The following TRPS1 variants were observed in gnomAD, a reference collection of about 807,000 sequenced individuals.
TRPS1 encodes transcriptional repressor GATA binding 1.
Under a neutral mutation model 101.2 loss-of-function variants are expected in TRPS1, and 6 were observed. The ratio of observed to expected loss-of-function variants is 0.06; its 90% CI spans 0.03 to 0.12. The LOEUF is 0.12. Among genes scored for constraint, TRPS1 ranks in the 10% least tolerant of loss-of-function variants. TRPS1 has a pLI of 1.00. For missense variants in TRPS1, 1,363 were observed against 1,567.0 expected, an observed-to-expected ratio of 0.87 and a Z score of 2.20; for synonymous variants, 578 against 589.8, an observed-to-expected ratio of 0.98 and a Z score of 0.29.
intron 5 of TRPS1, among the ~76,000 whole-genome samples, chr8:115,447,036 C>T (rs529265564): frequency 3.3e-5 from 5 of 152,190 alleles, no homozygotes; most frequent in Non-Finnish European, 7.4e-5. Context: ...CTCCAAGACC[C>T]GGTGAATCAG....
At chr8:115,571,681 A>T in intron 5 of TRPS1, among the ~76,000 whole-genome samples, 1 of 152,188 alleles carries the variant, frequency 6.6e-6, no homozygotes, top group East Asian at 1.9e-4. Flanking sequence ...AAAATAAGAC[A>T]TTAAACAAGA....
chr8:115,577,266 T>A (rs1243792919), intron 5 of TRPS1, among the ~76,000 whole-genome samples: 1 of 152,162 alleles, frequency 6.6e-6, no homozygotes, highest in Non-Finnish European at 1.5e-5. Flanking sequence ...GCAGTGTTTG[T>A]ACATTTTTAG....
At chr8:115,618,820 T>A (rs1818324034) in intron 3 of TRPS1, among the ~76,000 whole-genome samples, 1 of 152,224 alleles carries the variant, frequency 6.6e-6, no homozygotes, top group East Asian at 1.9e-4. Flanking sequence ...AGTAACATTT[T>A]TGGAAGACTG....
intron 5 of TRPS1, among the ~76,000 whole-genome samples, chr8:115,531,410 G>A (rs761148671): frequency 5.3e-4 from 80 of 152,236 alleles, no homozygotes; most frequent in Non-Finnish European, 9.0e-4. Flanking sequence ...CATTAACTAC[G>A]GCCCTAACCT....
intron 1 of TRPS1, among the ~76,000 whole-genome samples, chr8:115,651,152 G>A (rs1350925302): frequency 1.3e-5 from 2 of 152,162 alleles, no homozygotes; most frequent in African/African-American, 4.8e-5. Context: ...TTAGTTCATA[G>A]TGTCTCACAT....
At chr8:115,611,447 G>A (rs1818161496) in intron 3 of TRPS1, among the ~76,000 whole-genome samples, 2 of 152,132 alleles carry the variant, frequency 1.3e-5, no homozygotes, top group Admixed American at 6.6e-5. Flanking sequence ...GTCAAAAATC[G>A]TAACATGTCT....
chr8:115,626,547 G>T (rs1383504340), intron 1 of TRPS1, among the ~76,000 whole-genome samples: 1 of 151,528 alleles, frequency 6.6e-6, no homozygotes, highest in Admixed American at 6.6e-5. Flanking sequence ...TATTTAATTT[G>T]CTCTCTCTGA....
At chr8:115,500,214 G>C (rs1328444684) in intron 5 of TRPS1, among the ~76,000 whole-genome samples, 2 of 151,892 alleles carry the variant, frequency 1.3e-5, no homozygotes, top group Non-Finnish European at 2.9e-5. Flanking sequence ...AATTTTAGTA[G>C]AGATGGGGTT....
At chr8:115,508,329 AATC>A (rs1474841784) in intron 5 of TRPS1, among the ~76,000 whole-genome samples, 1 of 152,164 alleles carries the variant, frequency 6.6e-6, no homozygotes, top group Non-Finnish European at 1.5e-5. Flanking sequence ...ATTAATAGAG[AATC>A]ATCATACACA....
chr8:115,498,411 CTCTCTATATATATA>C (rs1489710381), intron 5 of TRPS1, among the ~76,000 whole-genome samples: 103 of 72,654 alleles, frequency 1.4e-3, no homozygotes, highest in African/African-American at 8.3e-3. Context: ...CTCTCTCTCT[CTCTCTATATATATA>C]TATATATATA....
chr8:115,483,276 T>C (rs751466643), intron 5 of TRPS1, among the ~76,000 whole-genome samples: 1 of 152,138 alleles, frequency 6.6e-6, no homozygotes, highest in Non-Finnish European at 1.5e-5. Context: ...CTCATGCTTA[T>C]AATCCCAGCA....
At chr8:115,458,489 T>A (rs936574603) in intron 5 of TRPS1, among the ~76,000 whole-genome samples, 1 of 152,146 alleles carries the variant, frequency 6.6e-6, no homozygotes, top group East Asian at 1.9e-4. Context: ...CTTCTGTGGG[T>A]CTCATTTGTA....
intron 5 of TRPS1, among the ~76,000 whole-genome samples, chr8:115,540,172 A>G (rs1816418178): frequency 6.6e-6 from 1 of 152,224 alleles, no homozygotes; most frequent in South Asian, 2.1e-4. Context: ...ATGCTTTAGT[A>G]CAAAATAGAA....
At chr8:115,538,565 G>A (rs960675733) in intron 5 of TRPS1, among the ~76,000 whole-genome samples, 33 of 149,490 alleles carry the variant, frequency 2.2e-4, no homozygotes, top group African/African-American at 7.8e-4. Context: ...AGAGTGGAGA[G>A]TGAGGGTCAA....
chr8:115,466,278 T>C (rs1814315934), intron 5 of TRPS1, among the ~76,000 whole-genome samples: 1 of 152,142 alleles, frequency 6.6e-6, no homozygotes, highest in African/African-American at 2.4e-5. Context: ...AATTATATAT[T>C]TTTTAAAGAA....
At chr8:115,520,605 ATGT>A (rs1483818315) in intron 5 of TRPS1, among the ~76,000 whole-genome samples, 1 of 151,758 alleles carries the variant, frequency 6.6e-6, no homozygotes, top group Non-Finnish European at 1.5e-5. Flanking sequence ...AAAAATAAAA[ATGT>A]AGGTGGCATG....
At chr8:115,638,302 T>G (rs987126875) in intron 1 of TRPS1, among the ~76,000 whole-genome samples, 1 of 152,208 alleles carries the variant, frequency 6.6e-6, no homozygotes, top group East Asian at 1.9e-4. Flanking sequence ...GTAGGAACGC[T>G]GTAAAGTCAG....
intron 1 of TRPS1, among the ~76,000 whole-genome samples, chr8:115,643,930 A>G (rs1176899377): frequency 6.6e-6 from 1 of 152,216 alleles, no homozygotes; most frequent in Non-Finnish European, 1.5e-5. Context: ...ATCTCTTTGT[A>G]CATCTCCATC....
rs1341248558 is a variant in TRPS1, at chr8:115,409,399, C to G, written c.*4624G>C. 1 of 151,628 alleles carries G rather than the reference C, an allele frequency of 6.6e-6. No individual in the cohort carries two copies. Among genetic ancestry groups the G allele is most frequent in the Non-Finnish European group, 1.5e-5 (1 of 67,950 alleles). 9.4% of individuals were successfully genotyped at this position (151,628 alleles called of 1,614,324 possible). A position where few individuals can be genotyped will look rare whatever the true frequency, so the allele number is the denominator to read the frequency against. ...ATTCCTGCTTTTCTCCGGTGTAGGACAGAGTGAAGCTTACAGCTCTCCCTT... is the reference window on the plus strand; with the variant it reads ...ATTCCTGCTTTTCTCCGGTGTAGGAGAGAGTGAAGCTTACAGCTCTCCCTT... On this transcript the variant is annotated 3_prime_UTR_variant, in exon 7 of 7. Transcript: ENST00000395715.
Sources: allele counts gnomAD v4.1 joint callset (sites outside exome capture counted in the v4.1 genomes callset), GRCh38; gene constraint gnomAD v4.1.1; transcripts MANE v1.5; gene names NCBI Gene and HGNC (gene_info 2026-07-23, HGNC 2026-07-21).